The following PRICKLE2 variants were observed in gnomAD, a reference collection of about 807,000 sequenced individuals.
The protein encoded by PRICKLE2 is prickle planar cell polarity protein 2.
A neutral mutation model predicts 81.4 loss-of-function variants in PRICKLE2; 21 were observed. The observed-to-expected ratio is 0.26, with a 90% confidence interval of 0.18 to 0.37. PRICKLE2 has a LOEUF of 0.37. PRICKLE2 is among the 10% of genes least tolerant of loss of function. PRICKLE2 has a pLI of 1.00. For missense variants in PRICKLE2, 940 were observed against 1,109.0 expected (o/e 0.85, Z 2.16); for synonymous variants, 456 against 421.5 (o/e 1.08, Z -1.00).
At chr3:64,259,572 A>G (rs1288878448) in intron 2 of PRICKLE2, among the ~76,000 whole-genome samples, 2 of 152,234 alleles carry the variant, frequency 1.3e-5, no homozygotes, top group Non-Finnish European at 2.9e-5. Context: ...AGAACCTGAA[A>G]ATCATAACAT....
At chr3:64,129,267 A>C (rs1428993621) in intron 7 of PRICKLE2, among the ~76,000 whole-genome samples, 1 of 152,234 alleles carries the variant, frequency 6.6e-6, no homozygotes, top group Non-Finnish European at 1.5e-5. Flanking sequence ...ATGCTCTCCC[A>C]GTCTTGGTTT....
intron 7 of PRICKLE2, among the ~76,000 whole-genome samples, chr3:64,138,004 C>A (rs1196862881): frequency 1.3e-5 from 2 of 152,132 alleles, no homozygotes. Context: ...CCCCAAAGAC[C>A]AGAGCTTTGT....
At chr3:64,128,518 C>T (rs1252390228) in intron 7 of PRICKLE2, among the ~76,000 whole-genome samples, 2 of 151,994 alleles carry the variant, frequency 1.3e-5, no homozygotes, top group Non-Finnish European at 2.9e-5. Context: ...GAGCTCACAG[C>T]GGGCGGATCA....
chr3:64,204,832 C>A (rs1233542158), intron 1 of PRICKLE2, among the ~76,000 whole-genome samples: 1 of 152,026 alleles, frequency 6.6e-6, no homozygotes, highest in Non-Finnish European at 1.5e-5. Context: ...TAATAACCTC[C>A]ATGTATAAAT....
intron 2 of PRICKLE2, among the ~76,000 whole-genome samples, chr3:64,181,029 G>T (rs894066999): frequency 6.6e-6 from 1 of 152,148 alleles, no homozygotes; most frequent in African/African-American, 2.4e-5. Context: ...CCAGCAATCA[G>T]AATCTATAAC....
chr3:64,150,870 C>T (rs570756754), intron 6 of PRICKLE2, among the ~76,000 whole-genome samples: 7 of 152,336 alleles, frequency 4.6e-5, no homozygotes, highest in Admixed American at 6.5e-5. Context: ...GGCAGCAGAA[C>T]GTGGTCCCCG....
intron 2 of PRICKLE2, among the ~76,000 whole-genome samples, chr3:64,198,104 C>T (rs376978614): frequency 6.6e-6 from 1 of 151,792 alleles, no homozygotes; most frequent in Non-Finnish European, 1.5e-5. Flanking sequence ...CCCAGCTACT[C>T]GGGAGGCTAA....
chr3:64,112,968 CAT>C (rs10583934), intron 7 of PRICKLE2, among the ~76,000 whole-genome samples: 65,768 of 151,840 alleles, frequency 0.43, 14,452 homozygotes, highest in Middle Eastern at 0.49. Flanking sequence ...GGAGGCAAGA[CAT>C]AGAAATCTGG....
Position 64,225,312 on chromosome 3 carries a change from C to G in PRICKLE2, c.-443G>C. 2.0e-6 allele frequency: 2 copies of G among 985,468 alleles called. No individual in the cohort carries two copies. Among genetic ancestry groups the G allele is most frequent in the Non-Finnish European group, 2.4e-6 (2 of 829,980 alleles). The allele number at this position is 985,468 out of a possible 1,614,324, so 61.0% of individuals were successfully genotyped here. On this transcript the variant is annotated 5_prime_UTR_variant, in exon 1 of 8. Coordinates refer to ENST00000638394, the MANE Select transcript of PRICKLE2 (RefSeq NM_198859.4). ...AAGGAAGAAGTCATAGACTCCAGCC[C>G]AGCGTCACCAGCTGATCCTGAGCCA... is the stretch of plus-strand genomic sequence containing the variant.
At chr3:64,176,106 A>G (rs1439271273) in intron 2 of PRICKLE2, among the ~76,000 whole-genome samples, 1 of 152,208 alleles carries the variant, frequency 6.6e-6, no homozygotes, top group East Asian at 1.9e-4. Context: ...AGATGGATCA[A>G]CAACATTTAA....
At chr3:64,214,842 C>G (rs1230047929) in intron 1 of PRICKLE2, among the ~76,000 whole-genome samples, 2 of 152,166 alleles carry the variant, frequency 1.3e-5, no homozygotes, top group Non-Finnish European at 2.9e-5. Flanking sequence ...ACACTTTTAG[C>G]ATAGTTGACG....
intron 2 of PRICKLE2, among the ~76,000 whole-genome samples, chr3:64,237,919 A>C (rs927837203): frequency 2.0e-5 from 3 of 152,106 alleles, no homozygotes; most frequent in Non-Finnish European, 4.4e-5. Flanking sequence ...TCCTCCTCCA[A>C]GTCTGCTTTT....
At chr3:64,100,978 A>C (rs1345106246) in intron 7 of PRICKLE2, 1 of 152,188 alleles carries the variant, frequency 6.6e-6, no homozygotes, top group Non-Finnish European at 1.5e-5. Context: ...CCTGTCTCCT[A>C]CTGGGGCCTC....
At chr3:64,222,998 G>A (rs1027470692) in intron 1 of PRICKLE2, among the ~76,000 whole-genome samples, 6 of 152,060 alleles carry the variant, frequency 3.9e-5, no homozygotes, top group Non-Finnish European at 7.4e-5. Flanking sequence ...CAGTAGTTCT[G>A]GATAATATAC....
chr3:64,183,636 T>C (rs561724774), intron 2 of PRICKLE2, among the ~76,000 whole-genome samples: 62 of 152,182 alleles, frequency 4.1e-4, no homozygotes, highest in Admixed American at 7.2e-4. Flanking sequence ...ATCACAGCAA[T>C]AGTAATTACT....
intron 7 of PRICKLE2, among the ~76,000 whole-genome samples, chr3:64,114,309 G>C (rs1188086434): frequency 1.3e-5 from 2 of 152,122 alleles, no homozygotes; most frequent in African/African-American, 4.8e-5. Context: ...AAAAGCCAGA[G>C]TGCCTTCTTT....
chr3:64,185,362 TA>T (rs1224811829), intron 2 of PRICKLE2, among the ~76,000 whole-genome samples: 1 of 152,116 alleles, frequency 6.6e-6, no homozygotes, highest in Non-Finnish European at 1.5e-5. Context: ...AACTAAGAAT[TA>T]GAAAAAGTCA....
At chr3:64,156,239 CA>C (rs1267789969) in intron 5 of PRICKLE2, among the ~76,000 whole-genome samples, 4 of 152,146 alleles carry the variant, frequency 2.6e-5, no homozygotes, top group Non-Finnish European at 5.9e-5. Flanking sequence ...TGTTAGAATT[CA>C]AATTAGTTGA....
At position 64,157,325 on chromosome 3, in the gene PRICKLE2, G is replaced by T. The variant is rs369686744; in HGVS notation, c.437C>A (p.Ala146Glu). The T allele has an allele frequency of 6.2e-7, 1 of 1,613,606 alleles. No homozygotes were observed. The highest frequency in any genetic ancestry group is 1.3e-5 in the African/African-American group (1 of 74,914). Residue 146 changes from alanine to glutamate, a missense_variant, in exon 5 of 8, where the codon GCG becomes GAG. Physicochemically the swap from Ala to Glu is moderately radical, Grantham distance 107. Coordinates refer to ENST00000638394, the MANE Select transcript of PRICKLE2 (RefSeq NM_198859.4). ...QINGGDIAVF[A>E]SRAGHGVCWH... ...GCAAACGCCGTGGCCAGCGCGTGACGCAAACACAGCGATGTCTCCACCATT... is the reference window on the plus strand; with the variant it reads ...GCAAACGCCGTGGCCAGCGCGTGACTCAAACACAGCGATGTCTCCACCATT...
Sources: gnomAD v4.1 joint callset for allele counts (sites outside exome capture counted in the v4.1 genomes callset) on GRCh38, gnomAD v4.1.1 for gene constraint, MANE v1.5 for transcripts, NCBI Gene and HGNC (gene_info 2026-07-23, HGNC 2026-07-21) for gene names.